PCDHGB1: variants seen among roughly 807,000 people sequenced by gnomAD.
PCDHGB1 encodes the protein protocadherin gamma subfamily B, 1, also known as protocadherin gamma-B1.
Under a neutral mutation model 56.6 loss-of-function variants are expected in PCDHGB1, and 34 were observed. The ratio of observed to expected loss-of-function variants is 0.60; its 90% CI spans 0.46 to 0.80. The LOEUF (loss-of-function observed/expected upper bound fraction) is 0.80. Among genes scored for constraint, PCDHGB1 ranks in the 30% least tolerant of loss-of-function variants. The pLI is 0.00. For synonymous variants in PCDHGB1, 561 were observed against 505.9 expected (o/e 1.11, Z -1.46); for missense variants, 1,278 against 1,204.6 (o/e 1.06, Z -0.90).
At chr5:141,375,253 C>T in intron 1 of PCDHGB1, 1 of 1,613,916 alleles carries the variant, frequency 6.2e-7, no homozygotes, top group East Asian at 2.2e-5. Flanking sequence ...CGAGAAGTCT[C>T]CCATTTGAAT....
chr5:141,361,472 A>T (rs1480148367), intron 1 of PCDHGB1: 1 of 1,613,906 alleles, frequency 6.2e-7, no homozygotes, highest in Admixed American at 1.7e-5. Context: ...TCCGACGTCA[A>T]CGATAATGCC....
intron 1 of PCDHGB1, chr5:141,362,415 A>T: frequency 6.2e-7 from 1 of 1,614,024 alleles, no homozygotes; most frequent in Non-Finnish European, 8.5e-7. Context: ...CCTCACAATC[A>T]GCCAAGACAG....
chr5:141,424,383 T>C (rs2096817494), intron 1 of PCDHGB1: 2 of 152,238 alleles, frequency 1.3e-5, no homozygotes, highest in Non-Finnish European at 2.9e-5. Context: ...AAGCTCTAGA[T>C]GTCTTTTCCA....
chr5:141,379,104 A>C (rs955091727), intron 1 of PCDHGB1: 1 of 152,246 alleles, frequency 6.6e-6, no homozygotes, highest in Admixed American at 6.5e-5. Flanking sequence ...AGAAAAAAGC[A>C]ATTGAGAAGA....
At chr5:141,412,917 G>C (rs918712966) in intron 1 of PCDHGB1, 2 of 410,214 alleles carry the variant, frequency 4.9e-6, no homozygotes, top group African/African-American at 2.1e-5. Context: ...GTATCACTTG[G>C]GTGCAGTAAC....
intron 1 of PCDHGB1, chr5:141,422,231 T>A: frequency 3.2e-6 from 5 of 1,566,292 alleles, no homozygotes; most frequent in Non-Finnish European, 4.3e-6. Context: ...ACGACGATGT[T>A]GATCACTGTT....
intron 1 of PCDHGB1, among the ~76,000 whole-genome samples, chr5:141,445,320 A>G (rs1462989860): frequency 1.3e-5 from 2 of 152,188 alleles, no homozygotes; most frequent in Non-Finnish European, 2.9e-5. Flanking sequence ...GGTTGAGAGA[A>G]CCCATCCAGA....
intron 1 of PCDHGB1, chr5:141,388,301 G>C (rs1323976869): frequency 6.2e-7 from 1 of 1,613,606 alleles, no homozygotes; most frequent in African/African-American, 1.3e-5. Context: ...ATTCCTTTGA[G>C]CTGCAAATAA....
intron 1 of PCDHGB1, chr5:141,393,878 A>C: frequency 1.9e-6 from 3 of 1,614,022 alleles, no homozygotes; most frequent in Non-Finnish European, 2.5e-6. Context: ...TGTTTAGCCC[A>C]GTGTTAGAAA....
At chr5:141,367,105 T>G (rs1303290494) in intron 1 of PCDHGB1, 2 of 234,148 alleles carry the variant, frequency 8.5e-6, no homozygotes, top group East Asian at 2.4e-4. Flanking sequence ...AGTGTCTGCC[T>G]AGACACCATT....
intron 3 of PCDHGB1, among the ~76,000 whole-genome samples, chr5:141,509,808 G>A (rs905531504): frequency 3.9e-5 from 6 of 152,028 alleles, no homozygotes; most frequent in Non-Finnish European, 7.4e-5. Context: ...TCATAGAGCC[G>A]AGCTCTTCTC....
Position 141,490,046 on chromosome 5 carries a change from C to A in PCDHGB1, c.2410-4761C>A, listed in dbSNP as rs2099695274. ...CTGCTCCGCCTCAATGCCACTGATC[C>A]AGACGAGGGCACCAACGGCCAACTA... On this transcript the variant is annotated intron_variant, in intron 1 of 3. Transcript: ENST00000523390. This position sits in a 1 kb window ranked among gnomAD's most constrained non-coding sequence, Gnocchi z 5.4. 1 of 1,614,094 alleles carries A rather than the reference C, an allele frequency of 6.2e-7. No individual in the cohort carries two copies.
intron 1 of PCDHGB1, chr5:141,372,266 T>C (rs1230396538): frequency 6.2e-7 from 1 of 1,613,082 alleles, no homozygotes. Flanking sequence ...TGCGCACGGG[T>C]GAGGTGCGCA....
intron 1 of PCDHGB1, chr5:141,372,201 T>C: frequency 6.2e-7 from 1 of 1,613,588 alleles, no homozygotes; most frequent in Non-Finnish European, 8.5e-7. Flanking sequence ...ATACAACGCC[T>C]GGCTGTCCTA....
At chr5:141,383,526 C>T in intron 1 of PCDHGB1, 1 of 1,612,534 alleles carries the variant, frequency 6.2e-7, no homozygotes, top group Non-Finnish European at 8.5e-7. Flanking sequence ...GGGTTCACCA[C>T]CTGGTCCTCA....
intron 1 of PCDHGB1, chr5:141,418,445 T>C (rs2154547687): frequency 2.5e-6 from 4 of 1,614,038 alleles, no homozygotes; most frequent in East Asian, 2.2e-5. Context: ...AGAATTAGTA[T>C]TGCAGAAGAC....
chr5:141,355,443 C>A (rs1373026083), intron 1 of PCDHGB1: 1 of 1,614,076 alleles, frequency 6.2e-7, no homozygotes, highest in Non-Finnish European at 8.5e-7. Context: ...ACCCGCGCAG[C>A]GGCACCTTGG....
chr5:141,409,491 C>A (rs747701093), intron 1 of PCDHGB1: 1 of 1,613,876 alleles, frequency 6.2e-7, no homozygotes, highest in East Asian at 2.2e-5. Context: ...AGGGGCAAGC[C>A]GCCTCTTTCT....
rs774649069 is a variant in PCDHGB1 at position 141,477,417 on chromosome 5, C to G, written c.2410-17390C>G. The G allele has an allele frequency of 1.2e-6, 2 of 1,614,172 alleles. No individual in the cohort carries two copies. The highest frequency in any genetic ancestry group is 2.7e-5 in the African/African-American group (2 of 75,032). On this transcript the variant is annotated intron_variant, in intron 1 of 3. Coordinates refer to ENST00000523390, the MANE Select transcript of PCDHGB1 (RefSeq NM_018922.3). The surrounding 1 kb of genome is among the most constrained non-coding windows in gnomAD (Gnocchi z 4.9). Reference sequence around the variant, plus strand: ...AGCATCACCGCCCGAGACGCCGGAACCCCTTCCCTCTCAGCCCTTACAATA... The same window carrying G: ...AGCATCACCGCCCGAGACGCCGGAAGCCCTTCCCTCTCAGCCCTTACAATA...
Sources: gnomAD v4.1 joint callset for allele counts (sites outside exome capture counted in the v4.1 genomes callset) on GRCh38, gnomAD v4.1.1 for gene constraint, Gnocchi (gnomAD v3.1) non-coding constraint, MANE v1.5 for transcripts, NCBI Gene and HGNC (gene_info 2026-07-23, HGNC 2026-07-21) for gene names.